HECW1: variants seen among roughly 807,000 people sequenced by gnomAD.
HECW1 encodes HECT, C2 and WW domain containing E3 ubiquitin protein ligase 1, also known as E3 ubiquitin-protein ligase HECW1.
A neutral mutation model predicts 182.3 loss-of-function variants in HECW1; 61 were observed. That is an observed-to-expected ratio of 0.33 (90% confidence interval 0.27 to 0.41). The LOEUF is 0.41. Among genes scored for constraint, HECW1 ranks in the 10% least tolerant of loss-of-function variants. HECW1 has a pLI of 1.00. For missense variants in HECW1, 1,739 were observed against 2,108.9 expected, an observed-to-expected ratio of 0.82 and a Z score of 3.44; for synonymous variants, 859 against 832.6, an observed-to-expected ratio of 1.03 and a Z score of -0.55.
chr7:43,197,152 T>G (rs1162717882), intron 2 of HECW1, among the ~76,000 whole-genome samples: 1 of 152,144 alleles, frequency 6.6e-6, no homozygotes, highest in Non-Finnish European at 1.5e-5. Flanking sequence ...AAAAGAGAAT[T>G]TATAGAAAAA....
chr7:43,211,572 A>G (rs1471060409), intron 2 of HECW1, among the ~76,000 whole-genome samples: 1 of 152,072 alleles, frequency 6.6e-6, no homozygotes, highest in Admixed American at 6.5e-5. Context: ...AAGCATGGAG[A>G]TTCTATGGAA....
chr7:43,401,814 G>A (rs1186304741), intron 7 of HECW1, among the ~76,000 whole-genome samples: 2 of 151,810 alleles, frequency 1.3e-5, no homozygotes, highest in East Asian at 3.9e-4. Context: ...ATGGGAACAG[G>A]CGTTCCTGTT....
chr7:43,472,600 A>G (rs114536772), intron 16 of HECW1, among the ~76,000 whole-genome samples: 4,992 of 151,708 alleles, frequency 0.033, 276 homozygotes, highest in African/African-American at 0.11. Context: ...TATATTAAAT[A>G]AATATTAATT....
At chr7:43,443,861 A>G (rs1359102328) in intron 10 of HECW1, among the ~76,000 whole-genome samples, 4 of 152,182 alleles carry the variant, frequency 2.6e-5, no homozygotes, top group Non-Finnish European at 5.9e-5. Context: ...TATAAATAAC[A>G]CCACTACTAC....
intron 2 of HECW1, among the ~76,000 whole-genome samples, chr7:43,185,527 A>C (rs1296007628): frequency 2.0e-5 from 3 of 152,208 alleles, no homozygotes; most frequent in African/African-American, 4.8e-5. Context: ...GAGTGTCAGA[A>C]TTGAATCGGA....
intron 5 of HECW1, among the ~76,000 whole-genome samples, chr7:43,326,044 T>G (rs1810735075): frequency 6.6e-6 from 1 of 152,148 alleles, no homozygotes; most frequent in South Asian, 2.1e-4. Context: ...GGGAAGTCCA[T>G]GATCACAGTG....
chr7:43,138,733 A>C (rs17722673), intron 2 of HECW1, among the ~76,000 whole-genome samples: 7,303 of 152,300 alleles, frequency 0.048, 243 homozygotes, highest in East Asian at 0.13. Context: ...CAACAGTTTT[A>C]GGACGGAGTA....
At chr7:43,349,195 C>T (rs1043015160) in intron 5 of HECW1, among the ~76,000 whole-genome samples, 10 of 152,098 alleles carry the variant, frequency 6.6e-5, no homozygotes, top group East Asian at 1.9e-4. Context: ...CCACCACGCC[C>T]GGCTAATTTT....
chr7:43,179,880 C>A (rs897814603), intron 2 of HECW1, among the ~76,000 whole-genome samples: 4 of 152,142 alleles, frequency 2.6e-5, no homozygotes, highest in Admixed American at 2.6e-4. Flanking sequence ...CTGAAAGGTG[C>A]ATTTACTAGC....
intron 6 of HECW1, among the ~76,000 whole-genome samples, chr7:43,392,806 A>G (rs2075088604): frequency 6.6e-6 from 1 of 152,218 alleles, no homozygotes; most frequent in Non-Finnish European, 1.5e-5. Flanking sequence ...AGGCCGAGGG[A>G]GCCCTGTCAA....
intron 5 of HECW1, among the ~76,000 whole-genome samples, chr7:43,356,962 A>G (rs1815224458): frequency 6.6e-6 from 1 of 152,204 alleles, no homozygotes; most frequent in South Asian, 2.1e-4. Context: ...AAGAAGACAG[A>G]CAAATGGCCA....
At chr7:43,494,482 C>T (rs2079043270) in intron 19 of HECW1, among the ~76,000 whole-genome samples, 1 of 151,916 alleles carries the variant, frequency 6.6e-6, no homozygotes, top group Non-Finnish European at 1.5e-5. Flanking sequence ...TCATGGTTTC[C>T]ATCACATATG....
intron 6 of HECW1, among the ~76,000 whole-genome samples, chr7:43,385,622 G>A (rs1490072999): frequency 6.6e-6 from 1 of 152,044 alleles, no homozygotes. Context: ...TAACAGAAGA[G>A]CAAGGCCAAT....
chr7:43,389,867 A>G (rs1161166534), intron 6 of HECW1, among the ~76,000 whole-genome samples: 1 of 152,048 alleles, frequency 6.6e-6, no homozygotes, highest in Admixed American at 6.6e-5. Context: ...TCCTGGCCTC[A>G]AGTGATCCTT....
At chr7:43,211,160 G>A (rs1197231259) in intron 2 of HECW1, among the ~76,000 whole-genome samples, 7 of 152,180 alleles carry the variant, frequency 4.6e-5, no homozygotes, top group Non-Finnish European at 7.3e-5. Flanking sequence ...TGTGTTTAGA[G>A]GTGGATGCGG....
intron 2 of HECW1, among the ~76,000 whole-genome samples, chr7:43,242,839 G>A (rs1171133424): frequency 1.3e-5 from 2 of 152,184 alleles, no homozygotes; most frequent in Non-Finnish European, 2.9e-5. Flanking sequence ...CAAGGGTGCT[G>A]CACGGTGTGC....
intron 6 of HECW1, among the ~76,000 whole-genome samples, chr7:43,390,372 CTA>C (rs1337344073): frequency 1.3e-5 from 2 of 151,808 alleles, no homozygotes; most frequent in Non-Finnish European, 2.9e-5. Context: ...GACCCCGTTC[CTA>C]CAAAAAAATT....
At chr7:43,443,505 T>C (rs1489741217) in intron 10 of HECW1, among the ~76,000 whole-genome samples, 1 of 152,272 alleles carries the variant, frequency 6.6e-6, no homozygotes, top group African/African-American at 2.4e-5. Context: ...GGGACTGATT[T>C]TCTTTAGTGA....
intron 24 of HECW1, among the ~76,000 whole-genome samples, chr7:43,518,273 T>A (rs186221998): frequency 6.6e-6 from 1 of 152,098 alleles, no homozygotes; most frequent in African/African-American, 2.4e-5. Context: ...GGCGGGTGGA[T>A]CACTTGAGGT....
Sources: gnomAD v4.1 joint callset for allele counts (sites outside exome capture counted in the v4.1 genomes callset) on GRCh38, gnomAD v4.1.1 for gene constraint, MANE v1.5 for transcripts, NCBI Gene and HGNC (gene_info 2026-07-23, HGNC 2026-07-21) for gene names.